The following OLFM2 variants were observed in gnomAD, a reference collection of about 807,000 sequenced individuals.
The protein encoded by OLFM2 is olfactomedin 2, also known as noelin-2.
In OLFM2, 20 loss-of-function variants were observed where a neutral mutation model predicts 43.9. The observed-to-expected ratio is 0.46, with a 90% CI of 0.32 to 0.66. The LOEUF (loss-of-function observed/expected upper bound fraction) is 0.66. Ranked by LOEUF, OLFM2 falls within the 30% of genes least tolerant of loss-of-function variation. The pLI is 0.04. For synonymous variants in OLFM2, 268 were observed against 278.6 expected (o/e 0.96, Z 0.38); for missense variants, 416 against 643.6 (o/e 0.65, Z 3.83).
rs148869217 is a variant in OLFM2 at position 9,908,945 on chromosome 19, A to C, written c.63+27359T>G. 0.021 allele frequency among the ~76,000 whole-genome samples: 3,161 copies of C among 152,154 alleles called. 278 individuals are homozygous for C. In the East Asian group the frequency reaches 0.27, roughly 13 times the overall value. ...GGTCTCGAACTCCTGGCCTCAAGCA[A>C]TCTTCCCACCTTGACCCCTCAAAGT... On this transcript the variant is annotated intron_variant, in intron 1 of 5. Transcript: ENST00000264833.
chr19:9,907,178 G>A (rs747434634), intron 1 of OLFM2, among the ~76,000 whole-genome samples: 1 of 152,130 alleles, frequency 6.6e-6, no homozygotes, highest in African/African-American at 2.4e-5. Flanking sequence ...GTCTGGGGCC[G>A]GGCGTGGTGG....
chr19:9,889,695 GTGTC>G (rs1364046353), intron 1 of OLFM2, among the ~76,000 whole-genome samples: 2 of 152,174 alleles, frequency 1.3e-5, no homozygotes, highest in Non-Finnish European at 2.9e-5. Context: ...GTGTGAACAC[GTGTC>G]TGTGTGTTCG....
intron 1 of OLFM2, among the ~76,000 whole-genome samples, chr19:9,908,464 ATTTTTTTTTT>A (rs34305631): frequency 2.5e-5 from 1 of 40,364 alleles, no homozygotes; most frequent in African/African-American, 1.2e-4. Flanking sequence ...CACCTGGCTA[ATTTTTTTTTT>A]TTTTTTTTTT....
chr19:9,883,980 A>T (rs2046563551), intron 1 of OLFM2, among the ~76,000 whole-genome samples: 2 of 152,092 alleles, frequency 1.3e-5, no homozygotes, highest in Admixed American at 1.3e-4. Flanking sequence ...AAATCACAGT[A>T]GTCTTAGCTG....
intron 1 of OLFM2, among the ~76,000 whole-genome samples, chr19:9,898,131 G>A (rs576079865): frequency 1.1e-4 from 16 of 144,368 alleles, no homozygotes; most frequent in Non-Finnish European, 1.5e-4. Context: ...GGGTGGTCTC[G>A]AACTCCTGAC....
chr19:9,871,706 C>T (rs1215755484), intron 1 of OLFM2, among the ~76,000 whole-genome samples: 1 of 152,208 alleles, frequency 6.6e-6, no homozygotes, highest in African/African-American at 2.4e-5. Context: ...CCTCCAAGCC[C>T]TGATCACAGT....
intron 2 of OLFM2, among the ~76,000 whole-genome samples, chr19:9,859,691 ACTC>A (rs1321695039): frequency 2.0e-5 from 3 of 152,070 alleles, no homozygotes; most frequent in African/African-American, 2.4e-5. Flanking sequence ...GGGGCACAGA[ACTC>A]CTTCTTAGTA....
intron 1 of OLFM2, among the ~76,000 whole-genome samples, chr19:9,887,772 T>C (rs1280030629): frequency 6.6e-6 from 1 of 152,140 alleles, no homozygotes; most frequent in African/African-American, 2.4e-5. Context: ...CAGCCAAGCG[T>C]GATTACACCT....
chr19:9,896,193 C>T (rs992923112), intron 1 of OLFM2, among the ~76,000 whole-genome samples: 12 of 145,112 alleles, frequency 8.3e-5, no homozygotes, highest in South Asian at 6.6e-4. Context: ...CTCCGCGTCC[C>T]GGGTTCATGC....
intron 1 of OLFM2, among the ~76,000 whole-genome samples, chr19:9,877,793 GC>G (rs2046504396): frequency 2.6e-5 from 4 of 151,940 alleles, no homozygotes; most frequent in Admixed American, 2.6e-4. Context: ...CTGGTGCTAT[GC>G]CCTTGGACTT....
chr19:9,920,937 T>A (rs572937675), intron 1 of OLFM2, among the ~76,000 whole-genome samples: 1 of 151,922 alleles, frequency 6.6e-6, no homozygotes, highest in Admixed American at 6.6e-5. Context: ...TCCCTTGAAA[T>A]TTCTGGGTGG....
intron 1 of OLFM2, among the ~76,000 whole-genome samples, chr19:9,866,786 C>T (rs919603687): frequency 6.6e-6 from 1 of 151,996 alleles, no homozygotes; most frequent in South Asian, 2.1e-4. Flanking sequence ...TGAGCTATCA[C>T]GACGGCCCTG....
chr19:9,918,306 T>C (rs2086398823), intron 1 of OLFM2, among the ~76,000 whole-genome samples: 2 of 152,100 alleles, frequency 1.3e-5, no homozygotes, highest in South Asian at 4.1e-4. Flanking sequence ...TCCTCCTACC[T>C]CAGCCTCCTG....
At chr19:9,863,060 G>A (rs753771303) in intron 1 of OLFM2, among the ~76,000 whole-genome samples, 8 of 151,978 alleles carry the variant, frequency 5.3e-5, no homozygotes, top group Admixed American at 3.9e-4. Flanking sequence ...ACACGTAGGC[G>A]TCGTTTGTTC....
At chr19:9,921,199 C>G (rs1434066216) in intron 1 of OLFM2, among the ~76,000 whole-genome samples, 1 of 152,154 alleles carries the variant, frequency 6.6e-6, no homozygotes, top group Non-Finnish European at 1.5e-5. Flanking sequence ...TCACTGTAGC[C>G]TCAACCTCCC....
At chr19:9,880,069 G>T (rs1452389677) in intron 1 of OLFM2, among the ~76,000 whole-genome samples, 2 of 152,128 alleles carry the variant, frequency 1.3e-5, no homozygotes, top group Non-Finnish European at 2.9e-5. Flanking sequence ...AAGCCACTGG[G>T]CCCGGTCTGG....
intron 1 of OLFM2, among the ~76,000 whole-genome samples, chr19:9,864,101 G>T (rs1180940308): frequency 6.6e-6 from 1 of 152,192 alleles, no homozygotes; most frequent in African/African-American, 2.4e-5. Context: ...CTTGCATGGG[G>T]CCAGCAGAAA....
chr19:9,876,412 T>C (rs972865823), intron 1 of OLFM2, among the ~76,000 whole-genome samples: 8 of 152,142 alleles, frequency 5.3e-5, no homozygotes, highest in Admixed American at 3.3e-4. Context: ...CCTCGAAGGC[T>C]GGACAGCACA....
intron 1 of OLFM2, among the ~76,000 whole-genome samples, chr19:9,899,226 C>T (rs1211029711): frequency 6.6e-6 from 1 of 151,702 alleles, no homozygotes; most frequent in Admixed American, 6.6e-5. Context: ...GTTTGCACCA[C>T]TGCACTCCAG....
Sources: allele counts gnomAD v4.1 joint callset (sites outside exome capture counted in the v4.1 genomes callset), GRCh38; gene constraint gnomAD v4.1.1; transcripts MANE v1.5; gene names NCBI Gene and HGNC (gene_info 2026-07-23, HGNC 2026-07-21).